Variants in MTHFD2L observed in about 807,000 individuals in gnomAD.
MTHFD2L encodes the protein bifunctional methylenetetrahydrofolate dehydrogenase/cyclohydrolase 2, mitochondrial.
In MTHFD2L, 29 loss-of-function variants were observed where a neutral mutation model predicts 34.9. The observed-to-expected ratio is 0.83, with a 90% confidence interval of 0.62 to 1.13. MTHFD2L has a LOEUF of 1.13. Ranked by LOEUF, MTHFD2L falls within the 50% of genes most tolerant of loss-of-function variation. The probability of loss-of-function intolerance (pLI) is 0.00; values close to 1 mark genes in which losing one functional copy is unlikely to be tolerated. For synonymous variants in MTHFD2L, 167 were observed against 155.7 expected (o/e 1.07, Z -0.54); for missense variants, 481 against 446.5 (o/e 1.08, Z -0.70).
intron 2 of MTHFD2L, among the ~76,000 whole-genome samples, chr4:74,116,350 C>G (rs1432173968): frequency 6.6e-6 from 1 of 152,192 alleles, no homozygotes; most frequent in Non-Finnish European, 1.5e-5. Flanking sequence ...ACCCTCAACT[C>G]AACTTCCCCC....
chr4:74,189,096 C>T (rs903449063), intron 3 of MTHFD2L, among the ~76,000 whole-genome samples: 8 of 151,802 alleles, frequency 5.3e-5, no homozygotes, highest in African/African-American at 1.9e-4. Context: ...TAGATCAAGG[C>T]GATAACTTTT....
intron 3 of MTHFD2L, among the ~76,000 whole-genome samples, chr4:74,197,008 T>C (rs1428273648): frequency 6.6e-6 from 1 of 152,008 alleles, no homozygotes. Context: ...ATCTACAGTG[T>C]CCTAAAGGCA....
intron 3 of MTHFD2L, chr4:74,180,652 G>T: frequency 4.5e-6 from 2 of 447,558 alleles, no homozygotes; most frequent in Non-Finnish European, 9.1e-6. Context: ...TAATGGTACT[G>T]GGACTGTCAC....
rs2110341674 is a variant in MTHFD2L at position 74,302,768 on chromosome 4, T to G, written c.*959T>G. The G allele has an allele frequency of 6.6e-6, 1 of 152,278 alleles. No individual in the cohort carries two copies. Among genetic ancestry groups the G allele is most frequent in the East Asian group, 1.9e-4 (1 of 5,190 alleles). The allele number at this position is 152,278 out of a possible 1,614,324, so 9.4% of individuals were successfully genotyped here. ...ACTTTCAATGTGCCAAAACTAAACC[T>G]TAGTATACAACTAAAAATCTCCTGC... is the stretch of plus-strand genomic sequence containing the variant. On this transcript the variant is annotated 3_prime_UTR_variant, in exon 8 of 8. Transcript: ENST00000325278.
At chr4:74,186,130 A>G (rs574101816) in intron 3 of MTHFD2L, among the ~76,000 whole-genome samples, 5 of 152,252 alleles carry the variant, frequency 3.3e-5, no homozygotes, top group East Asian at 3.9e-4. Flanking sequence ...TGAAAATCAT[A>G]TAATCATTTC....
chr4:74,181,543 T>C (rs1462489347), intron 3 of MTHFD2L: 1 of 152,188 alleles, frequency 6.6e-6, no homozygotes, highest in Non-Finnish European at 1.5e-5. Context: ...ATAGTCACAG[T>C]CCTACAGCAG....
intron 6 of MTHFD2L, among the ~76,000 whole-genome samples, chr4:74,278,674 T>C (rs1205820237): frequency 6.6e-6 from 1 of 152,094 alleles, no homozygotes; most frequent in Non-Finnish European, 1.5e-5. Flanking sequence ...ATGGTTCTTG[T>C]ATCCTTCAGT....
At chr4:74,130,101 A>G (rs1722366477) in intron 1 of MTHFD2L, among the ~76,000 whole-genome samples, 2 of 152,210 alleles carry the variant, frequency 1.3e-5, no homozygotes, top group South Asian at 4.1e-4. Context: ...TTAATAGCCT[A>G]CCAACCAAGA....
chr4:74,146,710 T>A (rs909319702), intron 1 of MTHFD2L, among the ~76,000 whole-genome samples: 1 of 152,232 alleles, frequency 6.6e-6, no homozygotes, highest in Non-Finnish European at 1.5e-5. Flanking sequence ...AAGTTTCTGT[T>A]ATTTCTTTTG....
At chr4:74,146,073 C>T (rs1021677165) in intron 1 of MTHFD2L, among the ~76,000 whole-genome samples, 3 of 152,088 alleles carry the variant, frequency 2.0e-5, no homozygotes, top group Non-Finnish European at 2.9e-5. Flanking sequence ...GAACAAAAAA[C>T]TAAAATGGTT....
chr4:74,118,629 A>G (rs901941242), upstream of MTHFD2L, among the ~76,000 whole-genome samples: 3 of 152,234 alleles, frequency 2.0e-5, no homozygotes, highest in African/African-American at 7.2e-5. Context: ...CATTATAAGA[A>G]GAGGAGAAGA....
rs1011476881 is a variant in MTHFD2L, at chr4:74,158,153, C to A, written c.15C>A (p.Val5=). MTVP[V]RGFSLLRGRL... ...GATCCGCGGCCATGACGGTGCCGGT[C>A]CGCGGCTTCTCGCTGCTCCGCGGCC... Residue 5 remains valine, a synonymous_variant, in exon 1 of 8, where the codon GTC becomes GTA. Transcript: ENST00000325278. 2.0e-5 allele frequency: 30 copies of A among 1,530,532 alleles called. No individual in the cohort carries two copies. The African/African-American group carries it at 3.6e-4, about 18-fold the overall frequency. 94.8% of individuals were successfully genotyped at this position (1,530,532 alleles called of 1,614,324 possible).
chr4:74,167,250 C>T (rs908204498), intron 1 of MTHFD2L, among the ~76,000 whole-genome samples: 2 of 152,168 alleles, frequency 1.3e-5, no homozygotes, highest in African/African-American at 4.8e-5. Flanking sequence ...TGGGCCATGC[C>T]GGATGGCCCA....
intron 3 of MTHFD2L, among the ~76,000 whole-genome samples, chr4:74,181,434 G>T (rs146950597): frequency 2.0e-5 from 3 of 152,098 alleles, no homozygotes; most frequent in Non-Finnish European, 4.4e-5. Context: ...GAGGTTTGTG[G>T]TTAAGGAAAA....
intron 5 of MTHFD2L, among the ~76,000 whole-genome samples, chr4:74,211,561 T>C (rs962153248): frequency 2.0e-5 from 3 of 152,234 alleles, no homozygotes; most frequent in Non-Finnish European, 4.4e-5. Flanking sequence ...TTAAGCTTTT[T>C]CATGTGCTGC....
intron 1 of MTHFD2L, among the ~76,000 whole-genome samples, chr4:74,170,500 G>A (rs973018495): frequency 2.0e-5 from 3 of 152,062 alleles, no homozygotes; most frequent in African/African-American, 2.4e-5. Flanking sequence ...AGAAGAAAAC[G>A]CTGGAGAAAA....
chr4:74,255,485 C>A (rs936260296), intron 6 of MTHFD2L, among the ~76,000 whole-genome samples: 1 of 151,976 alleles, frequency 6.6e-6, no homozygotes. Flanking sequence ...ATAGTAAGTT[C>A]TTTTTTAAAT....
chr4:74,286,123 C>T (rs1005980584), intron 7 of MTHFD2L, among the ~76,000 whole-genome samples: 1 of 152,122 alleles, frequency 6.6e-6, no homozygotes, highest in Non-Finnish European at 1.5e-5. Flanking sequence ...AGTTACAGAA[C>T]TTGACAGTTC....
At chr4:74,203,919 A>G (rs1041337062) in intron 5 of MTHFD2L, among the ~76,000 whole-genome samples, 1 of 150,426 alleles carries the variant, frequency 6.6e-6, no homozygotes, top group Non-Finnish European at 1.5e-5. Context: ...TTCATTTGCA[A>G]TGTTGTTTTT....
Sources: gnomAD v4.1 joint callset for allele counts (sites outside exome capture counted in the v4.1 genomes callset) on GRCh38, gnomAD v4.1.1 for gene constraint, MANE v1.5 for transcripts, NCBI Gene and HGNC (gene_info 2026-07-23, HGNC 2026-07-21) for gene names.